SCN10A: variants seen among roughly 807,000 people sequenced by gnomAD.
The protein encoded by SCN10A is sodium channel protein type 10 subunit alpha.
SCN10A carries 162 observed loss-of-function variants against 170.7 expected under a neutral mutation model. The ratio of observed to expected loss-of-function variants is 0.95; its 90% confidence interval spans 0.84 to 1.08. The LOEUF (loss-of-function observed/expected upper bound fraction) is 1.08. Among genes scored for constraint, SCN10A ranks in the 50% least tolerant of loss-of-function variants. The probability of loss-of-function intolerance (pLI) is 0.00; values close to 1 mark genes in which losing one functional copy is unlikely to be tolerated. For synonymous variants in SCN10A, 985 were observed against 904.6 expected (o/e 1.09, Z -1.59); for missense variants, 2,527 against 2,436.9 (o/e 1.04, Z -0.78).
At chr3:38,705,346 G>A (rs576108786) in intron 26 of SCN10A, among the ~76,000 whole-genome samples, 16 of 152,180 alleles carry the variant, frequency 1.1e-4, no homozygotes, top group African/African-American at 3.9e-4. Flanking sequence ...TCCATTCAAA[G>A]GATGGAGAAT....
At chr3:38,771,197 C>T in intron 5 of SCN10A, 82 bp downstream of exon 5, 1 of 1,501,156 alleles carries the variant, frequency 6.7e-7, no homozygotes, top group East Asian at 2.3e-5. Context: ...CCAAGTGGGA[C>T]CTGCATGTTA....
Position 38,746,071 on chromosome 3 carries a change from A to ATATGTGTGTG in SCN10A, c.1868-3543_1868-3542insCACACACATA, listed in dbSNP as rs1265817142. On this transcript the variant is annotated intron_variant, in intron 13 of 27. Transcript: ENST00000449082. ...TATATGTGTGTGTATGTGTATATAT[A>ATATGTGTGTG]TATATATATATATATATATATATAT... 2.1e-4 allele frequency among the ~76,000 whole-genome samples: 19 copies of ATATGTGTGTG among 91,092 alleles called. 2 individuals are homozygous for ATATGTGTGTG. Among genetic ancestry groups the ATATGTGTGTG allele is most frequent in the African/African-American group, 3.0e-4 (8 of 26,268 alleles). The allele number at this position is 91,092 out of a possible 152,430, so 59.8% of individuals were successfully genotyped here.
chr3:38,750,045 G>T (rs768981921), intron 13 of SCN10A, 28 bp downstream of exon 13: 4 of 1,251,492 alleles, frequency 3.2e-6, no homozygotes, highest in Non-Finnish European at 4.7e-6. Context: ...TGACACAGTG[G>T]ATGAACAATG....
At chr3:38,728,265 G>A (rs1372274890) in intron 16 of SCN10A, among the ~76,000 whole-genome samples, 1 of 152,180 alleles carries the variant, frequency 6.6e-6, no homozygotes, top group Non-Finnish European at 1.5e-5. Context: ...AGGAGATTAA[G>A]TCTCTTGCCT....
chr3:38,798,044 C>T (rs1337113132), intron 1 of SCN10A, among the ~76,000 whole-genome samples: 1 of 152,154 alleles, frequency 6.6e-6, no homozygotes, highest in African/African-American at 2.4e-5. Context: ...AAGTGGTTCT[C>T]TATATTCCCA....
chr3:38,756,850 T>A lies in SCN10A; in HGVS notation c.1114A>T (p.Ile372Phe). Residue 372 changes from isoleucine to phenylalanine, a missense_variant, in exon 10 of 28, where the codon ATC becomes TTC. Transcript: ENST00000449082. The stretch of plus-strand genomic sequence containing the variant: ...ACGAGCACAAAAAAGATCATATAGA[T>A]TTTCCCAGAAGTCCTCAGGGTCTGC... ...YQQTLRTSGKIYMIFFVLVIF... is the reference protein window; with the variant it reads ...YQQTLRTSGKFYMIFFVLVIF... 1 of 1,614,124 alleles carries A rather than the reference T, an allele frequency of 6.2e-7. No individual in the cohort carries two copies. The highest frequency in any genetic ancestry group is 8.5e-7 in the Non-Finnish European group (1 of 1,180,034).
intron 27 of SCN10A, among the ~76,000 whole-genome samples, chr3:38,699,769 C>T (rs932542438): frequency 3.3e-5 from 5 of 152,082 alleles, no homozygotes; most frequent in Non-Finnish European, 5.9e-5. Context: ...TTTTAATTTG[C>T]TCCAGGATCT....
At chr3:38,753,195 T>C (rs560591096) in intron 11 of SCN10A, among the ~76,000 whole-genome samples, 3 of 152,346 alleles carry the variant, frequency 2.0e-5, no homozygotes, top group Admixed American at 6.5e-5. Context: ...AAATCTTCCA[T>C]TGAGGGAACT....
chr3:38,794,055 G>C lies in SCN10A; in HGVS notation c.-32-13C>G, dbSNP rs561323138. 12 of 1,569,710 alleles carry C rather than the reference G, an allele frequency of 7.6e-6. No individual in the cohort carries two copies. The South Asian group carries it at 1.4e-4, about 18-fold the overall frequency. Reference sequence around the variant, plus strand: ...AAGTATTTATACTCTTATAAGAGTGGACATAACCACAGAGAGGTGACAGCT... The same window carrying C: ...AAGTATTTATACTCTTATAAGAGTGCACATAACCACAGAGAGGTGACAGCT... On this transcript the variant is annotated splice_polypyrimidine_tract_variant and intron_variant, in intron 1 of 27. Transcript: ENST00000449082.
chr3:38,752,321 T>A lies in SCN10A; in HGVS notation c.1653A>T (p.Arg551Ser). ...GGAGQQGPLP[R>S]SPLPQPSNPD... ...GGTTGCTGGGTTGAGGAAGAGGGCT[T>A]CTAGGGAGGGGGCCTTGCTGGCCAG... is the stretch of plus-strand genomic sequence containing the variant. The change falls in exon 12 of 28, where the codon AGA (arginine) becomes AGT (serine). Residue 551 changes from arginine (R) to serine (S), a missense_variant. Coordinates refer to ENST00000449082, the MANE Select transcript of SCN10A (RefSeq NM_006514.4). The A allele has an allele frequency of 6.2e-7, 1 of 1,612,134 alleles. No homozygotes were observed. The highest frequency in any genetic ancestry group is 1.7e-5 in the Admixed American group (1 of 59,768).
Position 38,724,175 on chromosome 3 carries a change from C to T in SCN10A, c.3229-622G>A, listed in dbSNP as rs148780220. Among the ~76,000 whole-genome samples the T allele has an allele frequency of 5.3e-5, 8 of 152,310 alleles. No homozygotes were observed. The South Asian group carries it at 8.3e-4, about 16-fold the overall frequency. ...GTGGGAACCAAGCGGCTTCTGTTCA[C>T]CCACAGCCCCCAAATCCCGTCCCAG... On this transcript the variant is annotated intron_variant, in intron 18 of 27. Coordinates refer to ENST00000449082, the MANE Select transcript of SCN10A (RefSeq NM_006514.4).
intron 26 of SCN10A, among the ~76,000 whole-genome samples, chr3:38,702,722 T>C (rs1269941509): frequency 6.6e-6 from 1 of 152,234 alleles, no homozygotes; most frequent in Non-Finnish European, 1.5e-5. Context: ...AAATGTTCCC[T>C]CTGTTCCTGG....
rs1464883195 is a variant in SCN10A, at chr3:38,755,843, C to G, written c.1406G>C (p.Gly469Ala). 1.2e-6 allele frequency: 2 copies of G among 1,614,138 alleles called. No homozygotes were observed. Among genetic ancestry groups the G allele is most frequent in the Admixed American group, 1.7e-5 (1 of 60,020 alleles). ...RHRIKPRVSEGSTEDNKSPRS... is the reference protein window; with the variant it reads ...RHRIKPRVSEASTEDNKSPRS... ...GGGTGATTTGTTGTCTTCTGTGGAG[C>G]CCTCTGACACTCTTGGCTTTATTCT... Residue 469 changes from glycine to alanine, a missense_variant, in exon 11 of 28, where the codon GGC (glycine) becomes GCC (alanine). Physicochemically the swap from Gly to Ala is moderately conservative, Grantham distance 60 (BLOSUM62 0). Coordinates refer to ENST00000449082, the MANE Select transcript of SCN10A (RefSeq NM_006514.4).
In SCN10A at chr3:38,712,435, T is replaced by C; in HGVS notation, c.3815A>G (p.Asp1272Gly). 6.2e-7 allele frequency: 1 copy of C among 1,613,740 alleles called. No homozygotes were observed. Among genetic ancestry groups the C allele is most frequent in the Non-Finnish European group, 8.5e-7 (1 of 1,179,678 alleles). ...SRFEGMRVVV[D>G]ALVGAIPSIM... ...GGATGGGATGGCGCCCACCAGGGCA[T>C]CCACCACCACCTGGTGGGAGATAGA... The change falls in exon 23 of 28, where the codon GAT (aspartate) becomes GGT (glycine). Residue 1272 changes from aspartate (D) to glycine (G), a missense_variant. Transcript: ENST00000449082.
intron 1 of SCN10A, among the ~76,000 whole-genome samples, chr3:38,799,695 A>C (rs111355703): frequency 1.7e-3 from 259 of 152,080 alleles, no homozygotes; most frequent in African/African-American, 5.9e-3. Flanking sequence ...AATTTCCCTA[A>C]TTGGTTACTT....
intron 14 of SCN10A, among the ~76,000 whole-genome samples, chr3:38,739,961 C>T (rs1462758177): frequency 6.6e-6 from 1 of 152,092 alleles, no homozygotes; most frequent in Non-Finnish European, 1.5e-5. Context: ...TCTTTAAGAT[C>T]ATTATTATAA....
At chr3:38,799,703 CT>C (rs2064360198) in intron 1 of SCN10A, among the ~76,000 whole-genome samples, 1 of 151,722 alleles carries the variant, frequency 6.6e-6, no homozygotes, top group African/African-American at 2.4e-5. Flanking sequence ...TAATTGGTTA[CT>C]TTTGCTTCTC....
intron 13 of SCN10A, among the ~76,000 whole-genome samples, chr3:38,747,162 G>T (rs1488495884): frequency 6.6e-6 from 1 of 152,012 alleles, no homozygotes; most frequent in Admixed American, 6.5e-5. Context: ...AAACATCATT[G>T]TTTCTCTGGC....
intron 1 of SCN10A, among the ~76,000 whole-genome samples, chr3:38,812,882 A>C (rs1455434936): frequency 6.6e-6 from 1 of 151,712 alleles, no homozygotes; most frequent in East Asian, 1.9e-4. Context: ...AAAACCACAA[A>C]ATTTTTCCAA....
Sources: gnomAD v4.1 joint callset for allele counts (sites outside exome capture counted in the v4.1 genomes callset) on GRCh38, gnomAD v4.1.1 for gene constraint, MANE v1.5 for transcripts, NCBI Gene and HGNC (gene_info 2026-07-23, HGNC 2026-07-21) for gene names.